NEU3: variants seen among roughly 807,000 people sequenced by gnomAD.
NEU3 encodes the protein neuraminidase 3.
Under a neutral mutation model 11.4 loss-of-function variants are expected in NEU3, and 10 were observed. That is an observed-to-expected ratio of 0.88 (90% CI 0.54 to 1.49). The LOEUF is 1.49. NEU3 is among the 40% of genes most tolerant of loss of function. The pLI, the probability that NEU3 is intolerant of heterozygous loss-of-function variation, is 0.00. For synonymous variants in NEU3, 212 were observed against 228.2 expected, an observed-to-expected ratio of 0.93 and a Z score of 0.64; for missense variants, 529 against 581.8, an observed-to-expected ratio of 0.91 and a Z score of 0.93.
intron 1 of NEU3, 75 bp from the exon 2 acceptor site, chr11:74,994,434 A>G: frequency 1.6e-6 from 2 of 1,224,162 alleles, no homozygotes; most frequent in Non-Finnish European, 2.3e-6. Context: ...CCAGAAGTGA[A>G]ATGATGAAGC....
intron 3 of NEU3, among the ~76,000 whole-genome samples, chr11:75,016,551 A>G (rs1281695598): frequency 3.3e-5 from 5 of 152,140 alleles, no homozygotes; most frequent in Non-Finnish European, 7.4e-5. Flanking sequence ...TTGTTTGTTT[A>G]CCATATTATT....
downstream of NEU3, among the ~76,000 whole-genome samples, chr11:75,014,782 G>A (rs532300243): frequency 4.6e-5 from 7 of 152,036 alleles, no homozygotes; most frequent in South Asian, 1.2e-3. Flanking sequence ...GGAGGACCAC[G>A]TGAGGCCCAG....
In NEU3 at chr11:75,005,685, T is replaced by C. The variant is rs761653119; in HGVS notation, c.579T>C (p.Ala193=). 5.0e-6 allele frequency: 8 copies of C among 1,614,008 alleles called. No individual in the cohort carries two copies. The highest frequency in any genetic ancestry group is 5.1e-6 in the Non-Finnish European group (6 of 1,179,874). The change falls in exon 3 of 3, where the codon GCT becomes GCC. Residue 193 remains alanine, a synonymous_variant. Transcript: ENST00000294064. ...AGCTGAAGCACTGGGCCACATTTGCTGTGGGCCCAGGTCATGGCATCCAGC... is the reference window on the plus strand; with the variant it reads ...AGCTGAAGCACTGGGCCACATTTGCCGTGGGCCCAGGTCATGGCATCCAGC... ...GSELKHWATF[A]VGPGHGIQLQ...
downstream of NEU3, among the ~76,000 whole-genome samples, chr11:75,019,161 T>C (rs1948992403): frequency 6.6e-6 from 1 of 152,216 alleles, no homozygotes; most frequent in Non-Finnish European, 1.5e-5. Flanking sequence ...AGCATAAAAG[T>C]TCAGAAAATT....
At chr11:74,987,286 C>G (rs895508916), upstream of NEU3, among the ~76,000 whole-genome samples, 15 of 152,176 alleles carry the variant, frequency 9.9e-5, no homozygotes, top group African/African-American at 3.6e-4. Context: ...TCGATATGAA[C>G]TTTCTTTGCA....
upstream of NEU3, among the ~76,000 whole-genome samples, chr11:74,983,424 C>T (rs1218221947): frequency 1.3e-5 from 2 of 152,172 alleles, no homozygotes; most frequent in African/African-American, 4.8e-5. Flanking sequence ...AGTACTCAGG[C>T]CATTTTCCAT....
chr11:75,003,882 C>T (rs566554151), intron 2 of NEU3, among the ~76,000 whole-genome samples: 4 of 150,644 alleles, frequency 2.7e-5, no homozygotes, highest in Non-Finnish European at 3.0e-5. Context: ...AGAGAGACTC[C>T]ATCTCAAAAA....
upstream of NEU3, among the ~76,000 whole-genome samples, chr11:74,985,538 T>C (rs1364663339): frequency 6.6e-6 from 1 of 150,924 alleles, no homozygotes; most frequent in Non-Finnish European, 1.5e-5. Flanking sequence ...TTTTAAACTT[T>C]ATATGTGGTT....
At chr11:74,990,598 G>A (rs1948720966) in intron 1 of NEU3, among the ~76,000 whole-genome samples, 1 of 152,096 alleles carries the variant, frequency 6.6e-6, no homozygotes, top group Admixed American at 6.5e-5. Context: ...GACCTCAAGT[G>A]ATCTGCCCAC....
intron 3 of NEU3, among the ~76,000 whole-genome samples, chr11:75,018,502 C>G (rs1948990223): frequency 6.6e-6 from 1 of 152,120 alleles, no homozygotes; most frequent in Non-Finnish European, 1.5e-5. Context: ...GCCTCCCAGC[C>G]TACATCTTTC....
chr11:75,003,341 G>A (rs560634454), intron 2 of NEU3, among the ~76,000 whole-genome samples: 1 of 152,274 alleles, frequency 6.6e-6, no homozygotes, highest in African/African-American at 2.4e-5. Flanking sequence ...GATACCCTAA[G>A]GGAAAAAGGG....
At chr11:74,990,284 G>A (rs550146210) in intron 1 of NEU3, 15 of 417,760 alleles carry the variant, frequency 3.6e-5, no homozygotes, top group African/African-American at 3.1e-4. Flanking sequence ...AGCAAGAAAT[G>A]GAGCTGAGAC....
chr11:75,000,801 A>ATTTATTTATTTATTTT lies in NEU3; in HGVS notation c.307-4597_307-4596insTTTTATTTATTTATTT, dbSNP rs531249372. 3.7e-4 allele frequency among the ~76,000 whole-genome samples: 55 copies of ATTTATTTATTTATTTT among 149,108 alleles called. 1 individual carries two copies. The South Asian group carries it at 0.011, about 30-fold the overall frequency. The stretch of plus-strand genomic sequence containing the variant: ...AATTTATTTATTTATTTATTTATTT[A>ATTTATTTATTTATTTT]TTTATTTATTTATTTATTGTAGAAA... On this transcript the variant is annotated intron_variant, in intron 2 of 2. Coordinates refer to ENST00000294064, the MANE Select transcript of NEU3 (RefSeq NM_006656.6).
At chr11:74,984,933 A>T (rs1948656752), upstream of NEU3, among the ~76,000 whole-genome samples, 1 of 152,256 alleles carries the variant, frequency 6.6e-6, no homozygotes, top group Middle Eastern at 3.4e-3. Flanking sequence ...CAGATGAGGA[A>T]CCTGAGGCAC....
downstream of NEU3, among the ~76,000 whole-genome samples, chr11:75,013,151 G>A (rs1948965777): frequency 1.3e-5 from 2 of 152,344 alleles, no homozygotes; most frequent in South Asian, 4.1e-4. Flanking sequence ...CCTAGAGCTT[G>A]TCAGTGACCT....
downstream of NEU3, among the ~76,000 whole-genome samples, chr11:75,015,545 G>A (rs1174468279): frequency 6.6e-6 from 1 of 152,170 alleles, no homozygotes; most frequent in Admixed American, 6.5e-5. Context: ...ATTTAATTCG[G>A]TAAATCTGGG....
At chr11:74,981,290 G>C in the NEU3 span, among the ~76,000 whole-genome samples, 2 of 152,178 alleles carry the variant, frequency 1.3e-5, no homozygotes, top group Non-Finnish European at 2.9e-5. Flanking sequence ...ACTGTCAAAG[G>C]TGACCCACTG....
At chr11:74,994,933 G>C in intron 2 of NEU3, 1 of 669,960 alleles carries the variant, frequency 1.5e-6, no homozygotes, top group Non-Finnish European at 2.7e-6. Context: ...CGTAGGTACT[G>C]TTTTCAGTCA....
chr11:75,002,253 A>T (rs1043345055), intron 2 of NEU3, among the ~76,000 whole-genome samples: 2 of 152,200 alleles, frequency 1.3e-5, no homozygotes, highest in African/African-American at 4.8e-5. Context: ...AGGACCCACT[A>T]TGTTGCCCAA....
Sources: gnomAD v4.1 joint callset for allele counts (sites outside exome capture counted in the v4.1 genomes callset) on GRCh38, gnomAD v4.1.1 for gene constraint, MANE v1.5 for transcripts, NCBI Gene and HGNC (gene_info 2026-07-23, HGNC 2026-07-21) for gene names.